SLC16A12: variants seen among roughly 807,000 people sequenced by gnomAD.
SLC16A12 encodes solute carrier family 16 member 12.
Under a neutral mutation model 42.4 loss-of-function variants are expected in SLC16A12, and 17 were observed. That is an observed-to-expected ratio of 0.40 (90% CI 0.27 to 0.60). The LOEUF is 0.60. SLC16A12 is among the 20% of genes least tolerant of loss of function. The pLI is 0.42. For synonymous variants in SLC16A12, 224 were observed against 229.4 expected (o/e 0.98, Z 0.21); for missense variants, 544 against 623.0 (o/e 0.87, Z 1.35).
intron 2 of SLC16A12, among the ~76,000 whole-genome samples, chr10:89,514,864 G>A (rs1033120627): frequency 2.0e-5 from 3 of 152,172 alleles, no homozygotes; most frequent in African/African-American, 7.2e-5. Flanking sequence ...GCCAAGGCAG[G>A]GGGATCACCT....
chr10:89,549,806 T>C (rs1843760305), intron 2 of SLC16A12, among the ~76,000 whole-genome samples: 1 of 152,158 alleles, frequency 6.6e-6, no homozygotes, highest in South Asian at 2.1e-4. Context: ...CAGCCAGCAT[T>C]GTAACAAGCT....
intron 2 of SLC16A12, among the ~76,000 whole-genome samples, chr10:89,482,194 C>A (rs303197): frequency 3.1e-5 from 4 of 129,828 alleles, no homozygotes; most frequent in South Asian, 2.4e-4. Flanking sequence ...TCAAATAGTA[C>A]AAATTCAGTT....
intron 2 of SLC16A12, chr10:89,463,019 T>A (rs1043373590): frequency 5.7e-6 from 1 of 176,628 alleles, no homozygotes; most frequent in African/African-American, 2.4e-5. Context: ...GGAAGATGGA[T>A]GTGGATATGA....
intron 2 of SLC16A12, among the ~76,000 whole-genome samples, chr10:89,475,280 AG>A (rs1842559948): frequency 6.6e-6 from 1 of 152,146 alleles, no homozygotes; most frequent in African/African-American, 2.4e-5. Flanking sequence ...AGTGTAGCAA[AG>A]GGTTCCAGCT....
chr10:89,497,871 GTAAT>G (rs1842943956), intron 2 of SLC16A12, among the ~76,000 whole-genome samples: 1 of 152,112 alleles, frequency 6.6e-6, no homozygotes. Flanking sequence ...ATGTTACTAT[GTAAT>G]TATACCTCCA....
rs1445470733 is a variant in SLC16A12 at position 89,439,492 on chromosome 10, C to A, written c.449-309G>T. On this transcript the variant is annotated intron_variant, in intron 5 of 7. Coordinates refer to ENST00000371790, the MANE Select transcript of SLC16A12 (RefSeq NM_213606.4). ...AATTCACTAGAAAATCTGGATAATGCCAACCAAAGAAACTTATCACTTCCT... is the reference window on the plus strand; with the variant it reads ...AATTCACTAGAAAATCTGGATAATGACAACCAAAGAAACTTATCACTTCCT... Among the ~76,000 whole-genome samples the A allele has an allele frequency of 2.6e-5, 4 of 152,088 alleles. No homozygotes were observed. The East Asian group carries it at 7.7e-4, about 29-fold the overall frequency.
At chr10:89,467,232 T>C (rs773533561) in intron 2 of SLC16A12, among the ~76,000 whole-genome samples, 3 of 152,228 alleles carry the variant, frequency 2.0e-5, no homozygotes, top group Non-Finnish European at 4.4e-5. Flanking sequence ...CCATCCTTAT[T>C]AGTGCCGCCC....
intron 2 of SLC16A12, among the ~76,000 whole-genome samples, chr10:89,553,623 C>T (rs1004757323): frequency 2.0e-5 from 3 of 152,120 alleles, no homozygotes; most frequent in Non-Finnish European, 2.9e-5. Context: ...TAAAATTAGG[C>T]GATTGCATTA....
At chr10:89,461,023 A>G (rs966748511) in intron 3 of SLC16A12, among the ~76,000 whole-genome samples, 1 of 152,206 alleles carries the variant, frequency 6.6e-6, no homozygotes, top group African/African-American at 2.4e-5. Context: ...GATGATGCCA[A>G]CAAATAATTA....
intron 2 of SLC16A12, among the ~76,000 whole-genome samples, chr10:89,495,708 T>A (rs1842913450): frequency 6.6e-6 from 1 of 152,178 alleles, no homozygotes; most frequent in Non-Finnish European, 1.5e-5. Flanking sequence ...GTGTAGAATA[T>A]CTCATAATGT....
rs151043720 is a variant in SLC16A12 at position 89,514,083 on chromosome 10, T to A, written c.-47+20418A>T. Among the ~76,000 whole-genome samples the A allele has an allele frequency of 1.1e-4, 17 of 152,348 alleles. No individual in the cohort carries two copies. In the East Asian group the frequency reaches 3.3e-3, roughly 29 times the overall value. On this transcript the variant is annotated intron_variant, in intron 2 of 7. Transcript: ENST00000371790. ...TCAGATTTTCCTAGGTACCACCTGCTAAATGGCGGATTCAGATTTGGCAGA... is the reference window on the plus strand; with the variant it reads ...TCAGATTTTCCTAGGTACCACCTGCAAAATGGCGGATTCAGATTTGGCAGA...
intron 3 of SLC16A12, among the ~76,000 whole-genome samples, chr10:89,447,690 T>G (rs769536131): frequency 6.6e-6 from 1 of 151,868 alleles, no homozygotes; most frequent in Non-Finnish European, 1.5e-5. Flanking sequence ...ACATCACAAT[T>G]AAAAGAACTA....
chr10:89,463,936 G>A (rs542719727), intron 2 of SLC16A12, among the ~76,000 whole-genome samples: 18 of 152,282 alleles, frequency 1.2e-4, no homozygotes, highest in East Asian at 9.7e-4. Flanking sequence ...TCCCTTGAGC[G>A]TGGGAGGGAC....
chr10:89,541,513 C>T (rs1175208142), intron 2 of SLC16A12, among the ~76,000 whole-genome samples: 1 of 152,188 alleles, frequency 6.6e-6, no homozygotes, highest in African/African-American at 2.4e-5. Context: ...AGGAGGATCT[C>T]TTGAGCACAG....
intron 2 of SLC16A12, among the ~76,000 whole-genome samples, chr10:89,486,612 A>G (rs1350788994): frequency 1.5e-5 from 1 of 64,912 alleles, no homozygotes; most frequent in Non-Finnish European, 2.8e-5. Context: ...AAAAAGAAAG[A>G]AAGAAAGAAA....
At chr10:89,469,695 G>T (rs562339516) in intron 2 of SLC16A12, among the ~76,000 whole-genome samples, 8 of 152,172 alleles carry the variant, frequency 5.3e-5, no homozygotes, top group Non-Finnish European at 8.8e-5. Context: ...AATACCAAGG[G>T]TGGGCATTTG....
At position 89,430,736 on chromosome 10, in the gene SLC16A12, T is replaced by G. The variant is rs767720948; in HGVS notation, c.*2328A>C. 4.3e-6 allele frequency: 2 copies of G among 462,942 alleles called. No homozygotes were observed. The highest frequency in any genetic ancestry group is 3.2e-5 in the South Asian group (2 of 62,560). 28.7% of individuals were successfully genotyped at this position (462,942 alleles called of 1,614,324 possible). ...CATGTATAAAGTCAAATCTCCCAAA[T>G]GTTTTTATACAAAATCTTTAAAATT... On this transcript the variant is annotated 3_prime_UTR_variant, in exon 8 of 8. Transcript: ENST00000371790.
At chr10:89,440,183 G>A (rs1188137275) in intron 5 of SLC16A12, among the ~76,000 whole-genome samples, 1 of 151,450 alleles carries the variant, frequency 6.6e-6, no homozygotes, top group Non-Finnish European at 1.5e-5. Context: ...TGTCAGAGAA[G>A]GAAAAAGAGA....
chr10:89,473,037 T>G (rs982808432), intron 2 of SLC16A12, among the ~76,000 whole-genome samples: 1 of 152,010 alleles, frequency 6.6e-6, no homozygotes, highest in African/African-American at 2.4e-5. Context: ...CAGGCTGGTC[T>G]CAAACTTTTG....
Sources: gnomAD v4.1 joint callset for allele counts (sites outside exome capture counted in the v4.1 genomes callset) on GRCh38, gnomAD v4.1.1 for gene constraint, MANE v1.5 for transcripts, NCBI Gene and HGNC (gene_info 2026-07-23, HGNC 2026-07-21) for gene names.